Variants in ZNF766 observed in about 807,000 individuals in gnomAD.
ZNF766 encodes the protein zinc finger protein 766.
ZNF766 carries 13 observed loss-of-function variants against 13.2 expected under a neutral mutation model. That is an observed-to-expected ratio of 0.98 (90% CI 0.64 to 1.56). The LOEUF is 1.56. Ranked by LOEUF, ZNF766 falls within the 40% of genes most tolerant of loss-of-function variation. The pLI, the probability that ZNF766 is intolerant of heterozygous loss-of-function variation, is 0.00. For missense variants in ZNF766, 521 were observed against 552.2 expected (o/e 0.94, Z 0.57); for synonymous variants, 178 against 187.6 (o/e 0.95, Z 0.42).
Position 52,281,947 on chromosome 19 carries a change from TC to T in ZNF766, c.19-163del, listed in dbSNP as rs1409625552. 7.4e-6 allele frequency: 6 copies of T among 806,140 alleles called. No individual in the cohort carries two copies. The Admixed American group carries it at 1.4e-4, about 18-fold the overall frequency. The allele number at this position is 806,140 out of a possible 1,614,324, so 49.9% of individuals were successfully genotyped here. On this transcript the variant is annotated intron_variant, in intron 1 of 3. Coordinates refer to ENST00000439461, the MANE Select transcript of ZNF766 (RefSeq NM_001010851.3). ...TTTTTATGGAAAAGTATAATAAAACTCAATCACAGACACATAACTAGCTCAA... is the reference window on the plus strand; with the variant it reads ...TTTTTATGGAAAAGTATAATAAAACTAATCACAGACACATAACTAGCTCAA...
chr19:52,292,487 G>C lies in ZNF766; in HGVS notation c.*1289G>C, dbSNP rs1226648302. 2 of 325,696 alleles carry C rather than the reference G, an allele frequency of 6.1e-6. No individual in the cohort carries two copies. Among genetic ancestry groups the C allele is most frequent in the Non-Finnish European group, 1.1e-5 (2 of 179,984 alleles). The allele number at this position is 325,696 out of a possible 1,614,324, so 20.2% of individuals were successfully genotyped here. On this transcript the variant is annotated 3_prime_UTR_variant, in exon 4 of 4. Transcript: ENST00000439461. ...ATTACGTAGGAGAGACGATGCAGGG[G>C]AAATGGTGGCCACCGTCTCCATTGA... is the stretch of plus-strand genomic sequence containing the variant.
intron 3 of ZNF766, among the ~76,000 whole-genome samples, chr19:52,287,564 C>A (rs549674460): frequency 6.6e-6 from 1 of 152,194 alleles, no homozygotes; most frequent in Admixed American, 6.5e-5. Context: ...GGTGTTAAAT[C>A]TTTTTTCAAT....
chr19:52,269,632 G>C lies in ZNF766; in HGVS notation c.18+1G>C, dbSNP rs1436046489. Reference sequence around the variant, plus strand: ...TGGAGATATGGCGCAACTGCGGCGCGTGAGTTTTCCTTTGTTTAGATTAAG... The same window carrying C: ...TGGAGATATGGCGCAACTGCGGCGCCTGAGTTTTCCTTTGTTTAGATTAAG... On this transcript the variant is annotated splice_donor_variant, in intron 1 of 3. Transcript: ENST00000439461. LOFTEE classifies it high-confidence loss of function. 2 of 1,612,808 alleles carry C rather than the reference G, an allele frequency of 1.2e-6. No individual in the cohort carries two copies. Among genetic ancestry groups the C allele is most frequent in the Admixed American group, 1.7e-5 (1 of 59,978 alleles).
At chr19:52,276,538 C>G (rs142733578) in intron 1 of ZNF766, among the ~76,000 whole-genome samples, 482 of 152,128 alleles carry the variant, frequency 3.2e-3, no homozygotes, top group Non-Finnish European at 5.2e-3. Context: ...TCTTTTTGAT[C>G]AGATCCAATT....
At chr19:52,271,160 A>T (rs1980956547) in intron 1 of ZNF766, among the ~76,000 whole-genome samples, 1 of 152,190 alleles carries the variant, frequency 6.6e-6, no homozygotes, top group Non-Finnish European at 1.5e-5. Context: ...ACTATCAGTT[A>T]TAAAGGTTAT....
intron 1 of ZNF766, among the ~76,000 whole-genome samples, chr19:52,279,730 A>G (rs951314222): frequency 1.3e-5 from 2 of 150,588 alleles, no homozygotes; most frequent in Non-Finnish European, 3.0e-5. Flanking sequence ...ATATTTGAAA[A>G]TAGGTATTTG....
At position 52,290,714 on chromosome 19, in the gene ZNF766, A is replaced by G; in HGVS notation, c.923A>G (p.Tyr308Cys). ...AAATGTAACAAATGTGGCAAGGTTT[A>G]TAGTAGCAGTTCATACCTAGCACAA... ...PHKCNKCGKV[Y>C]SSSSYLAQHW... Residue 308 changes from tyrosine to cysteine, a missense_variant, in exon 4 of 4, where the codon TAT becomes TGT. Coordinates refer to ENST00000439461, the MANE Select transcript of ZNF766 (RefSeq NM_001010851.3). 4.3e-6 allele frequency: 7 copies of G among 1,614,000 alleles called. No individual in the cohort carries two copies. Among genetic ancestry groups the G allele is most frequent in the Non-Finnish European group, 5.9e-6 (7 of 1,179,914 alleles).
chr19:52,289,483 A>G (rs10411351), intron 3 of ZNF766, among the ~76,000 whole-genome samples: 40,761 of 151,750 alleles, frequency 0.27, 6,159 homozygotes, highest in African/African-American at 0.42. Context: ...TCCCTAAGAG[A>G]CTCATCCTGC....
chr19:52,270,832 G>A (rs932736625), intron 1 of ZNF766, among the ~76,000 whole-genome samples: 1 of 152,160 alleles, frequency 6.6e-6, no homozygotes, highest in Non-Finnish European at 1.5e-5. Context: ...AACTGCGGGA[G>A]AGGAGAGGGG....
chr19:52,290,733 A>C lies in ZNF766; in HGVS notation c.942A>C (p.Leu314=). Residue 314 remains leucine (L), a synonymous_variant, in exon 4 of 4, where the codon CTA becomes CTC. Coordinates refer to ENST00000439461, the MANE Select transcript of ZNF766 (RefSeq NM_001010851.3). ...CGKVYSSSSY[L]AQHWRIHTGE... ...AGGTTTATAGTAGCAGTTCATACCT[A>C]GCACAACATTGGAGAATTCATACAG... 6.2e-7 allele frequency: 1 copy of C among 1,614,030 alleles called. No homozygotes were observed. Among genetic ancestry groups the C allele is most frequent in the Non-Finnish European group, 8.5e-7 (1 of 1,179,936 alleles).
At chr19:52,281,152 T>A (rs1299710820) in intron 1 of ZNF766, among the ~76,000 whole-genome samples, 2 of 149,076 alleles carry the variant, frequency 1.3e-5, no homozygotes, top group Admixed American at 6.7e-5. Context: ...CAAAACTCCA[T>A]CTAAAAAAAA....
chr19:52,291,238 A>G lies in ZNF766; in HGVS notation c.*40A>G. On this transcript the variant is annotated 3_prime_UTR_variant, in exon 4 of 4. Coordinates refer to ENST00000439461, the MANE Select transcript of ZNF766 (RefSeq NM_001010851.3). The stretch of plus-strand genomic sequence containing the variant: ...ATCATAAGTTCTAGCAGTAATCAAC[A>G]TCCGAGAGTCTATACTAGAAAGAAA... 1 of 1,516,142 alleles carries G rather than the reference A, an allele frequency of 6.6e-7. No homozygotes were observed. The highest frequency in any genetic ancestry group is 1.3e-5 in the South Asian group (1 of 74,770). 93.9% of individuals were successfully genotyped at this position (1,516,142 alleles called of 1,614,324 possible).
Position 52,290,835 on chromosome 19 carries a change from C to T in ZNF766, c.1044C>T (p.Ile348=). 6.2e-7 allele frequency: 1 copy of T among 1,613,962 alleles called. No homozygotes were observed. ...CAAGCCTCACCACCCATCTGTTAAT[C>T]CACACTGGAGAGAAACCTTACAAAT... ...GHSSLTTHLL[I]HTGEKPYKCK... is the part of the protein sequence containing the mutation. The change falls in exon 4 of 4, where the codon ATC becomes ATT. Residue 348 remains isoleucine (I), a synonymous_variant. Transcript: ENST00000439461.
chr19:52,270,540 C>CGA (rs770959201), intron 1 of ZNF766, among the ~76,000 whole-genome samples: 27 of 151,882 alleles, frequency 1.8e-4, no homozygotes, highest in Non-Finnish European at 3.4e-4. Flanking sequence ...CAGGGCAGAC[C>CGA]GAGCAGCGTG....
chr19:52,287,912 C>A, intron 3 of ZNF766: 1 of 373,748 alleles, frequency 2.7e-6, no homozygotes, highest in Non-Finnish European at 5.1e-6. Context: ...AAAAGTCTTA[C>A]CCAAAGAGTG....
At position 52,283,428 on chromosome 19, in the gene ZNF766, G is replaced by T; in HGVS notation, c.274+15G>T. 1 of 1,554,848 alleles carries T rather than the reference G, an allele frequency of 6.4e-7. No homozygotes were observed. Among genetic ancestry groups the T allele is most frequent in the South Asian group, 1.2e-5 (1 of 82,738 alleles). ...TATCAACACAGGTAAGAGCTCAGAT[G>T]GACAGAGTGAAAGCCACACTTTTTT... On this transcript the variant is annotated intron_variant, in intron 3 of 3. Coordinates refer to ENST00000439461, the MANE Select transcript of ZNF766 (RefSeq NM_001010851.3).
In ZNF766 at chr19:52,291,756, C is replaced by A; in HGVS notation, c.*558C>A. Reference sequence around the variant, plus strand: ...CAACCTGGGTGACAGAGCGAGACTCCGTCTCAAAAAAAAAAAAAAATTATT... The same window carrying A: ...CAACCTGGGTGACAGAGCGAGACTCAGTCTCAAAAAAAAAAAAAAATTATT... On this transcript the variant is annotated 3_prime_UTR_variant, in exon 4 of 4. Coordinates refer to ENST00000439461, the MANE Select transcript of ZNF766 (RefSeq NM_001010851.3). 6.5e-6 allele frequency: 1 copy of A among 154,376 alleles called. No homozygotes were observed. Among genetic ancestry groups the A allele is most frequent in the Non-Finnish European group, 1.4e-5 (1 of 73,386 alleles). The allele number at this position is 154,376 out of a possible 1,614,324, so 9.6% of individuals were successfully genotyped here. A position where few individuals can be genotyped will look rare whatever the true frequency, so the allele number is the denominator to read the frequency against.
chr19:52,269,962 C>G (rs945257294), intron 1 of ZNF766, among the ~76,000 whole-genome samples: 1 of 152,182 alleles, frequency 6.6e-6, no homozygotes, highest in African/African-American at 2.4e-5. Flanking sequence ...CCTTGTCGGC[C>G]CCTGGGGCGC....
intron 1 of ZNF766, among the ~76,000 whole-genome samples, chr19:52,271,972 G>A (rs1221033891): frequency 1.5e-5 from 1 of 66,866 alleles, no homozygotes; most frequent in Non-Finnish European, 2.8e-5. Flanking sequence ...ACAAGAGTGA[G>A]ACTGTCTCAA....
Sources: gnomAD v4.1 joint callset for allele counts (sites outside exome capture counted in the v4.1 genomes callset) on GRCh38, gnomAD v4.1.1 for gene constraint, MANE v1.5 for transcripts, NCBI Gene and HGNC (gene_info 2026-07-23, HGNC 2026-07-21) for gene names.